The following RAB38 variants were observed in gnomAD, a reference collection of about 807,000 sequenced individuals.
RAB38 encodes ras-related protein Rab-38.
Under a neutral mutation model 18.4 loss-of-function variants are expected in RAB38, and 15 were observed. The ratio of observed to expected loss-of-function variants is 0.82; its 90% CI spans 0.55 to 1.26. The LOEUF is 1.26. Among genes scored for constraint, RAB38 ranks in the 50% most tolerant of loss-of-function variants. RAB38 has a pLI of 0.00. For synonymous variants in RAB38, 101 were observed against 104.4 expected, an observed-to-expected ratio of 0.97 and a Z score of 0.20; for missense variants, 294 against 267.4, an observed-to-expected ratio of 1.10 and a Z score of -0.69.
At chr11:88,068,757 T>A in the RAB38 span, among the ~76,000 whole-genome samples, 1 of 152,236 alleles carries the variant, frequency 6.6e-6, no homozygotes, top group African/African-American at 2.4e-5. Flanking sequence ...AATCAAAGTT[T>A]TTTCAACCAG....
chr11:88,059,438 C>T, the RAB38 span, among the ~76,000 whole-genome samples: 2 of 152,252 alleles, frequency 1.3e-5, no homozygotes, highest in East Asian at 1.9e-4. Context: ...AGGTTTTATG[C>T]CTCCCTCTTT....
intron 2 of RAB38, among the ~76,000 whole-genome samples, chr11:88,139,665 A>G (rs924854028): frequency 2.6e-5 from 4 of 152,226 alleles, no homozygotes; most frequent in African/African-American, 9.6e-5. Context: ...CCAGGGTGCA[A>G]GTAAAAATCA....
chr11:88,090,660 AC>A, the RAB38 span, among the ~76,000 whole-genome samples: 1 of 151,970 alleles, frequency 6.6e-6, no homozygotes, highest in Non-Finnish European at 1.5e-5. Context: ...GACTAAGATT[AC>A]CCTAGGGTGG....
the RAB38 span, among the ~76,000 whole-genome samples, chr11:88,094,086 G>A: frequency 4.6e-5 from 7 of 151,772 alleles, no homozygotes; most frequent in Non-Finnish European, 1.0e-4. Context: ...CATGTTGACA[G>A]CTCCACTCCC....
intron 2 of RAB38, among the ~76,000 whole-genome samples, chr11:88,148,653 C>T (rs1318853195): frequency 6.6e-6 from 1 of 152,168 alleles, no homozygotes; most frequent in Non-Finnish European, 1.5e-5. Context: ...CACAAATGCT[C>T]ACTATAAGGC....
the RAB38 span, among the ~76,000 whole-genome samples, chr11:87,935,629 G>A: frequency 1.3e-5 from 2 of 152,028 alleles, no homozygotes; most frequent in South Asian, 2.1e-4. Flanking sequence ...GTTTTCCCCA[G>A]TGGTAACCTC....
chr11:87,884,986 A>G, the RAB38 span, among the ~76,000 whole-genome samples: 130 of 152,094 alleles, frequency 8.5e-4, 1 homozygote, highest in African/African-American at 3.1e-3. Context: ...CATTAGATAC[A>G]TCTGAAAAAC....
the RAB38 span, among the ~76,000 whole-genome samples, chr11:87,894,864 T>C: frequency 6.6e-6 from 1 of 151,422 alleles, no homozygotes; most frequent in Non-Finnish European, 1.5e-5. Context: ...TGTATAGTAT[T>C]GTGGGGGAAC....
the RAB38 span, among the ~76,000 whole-genome samples, chr11:88,023,841 T>C: frequency 1.3e-5 from 2 of 152,078 alleles, no homozygotes; most frequent in African/African-American, 4.8e-5. Flanking sequence ...TGGATATCCC[T>C]ATATAAAAGA....
the RAB38 span, among the ~76,000 whole-genome samples, chr11:88,033,646 C>T: frequency 2.0e-5 from 3 of 151,016 alleles, no homozygotes; most frequent in Non-Finnish European, 4.4e-5. Context: ...TTAGTTCTTG[C>T]AATTTTATTA....
the RAB38 span, among the ~76,000 whole-genome samples, chr11:87,840,234 G>A: frequency 6.6e-6 from 1 of 152,166 alleles, no homozygotes; most frequent in African/African-American, 2.4e-5. Context: ...CTGCCAGATG[G>A]CTTACTGAAG....
the RAB38 span, among the ~76,000 whole-genome samples, chr11:87,820,613 A>C: frequency 4.6e-5 from 7 of 152,330 alleles, no homozygotes; most frequent in South Asian, 8.3e-4. Flanking sequence ...AATGATTTTC[A>C]TGCATGAAAC....
chr11:87,884,363 A>G, the RAB38 span, among the ~76,000 whole-genome samples: 1 of 151,966 alleles, frequency 6.6e-6, no homozygotes, highest in Non-Finnish European at 1.5e-5. Flanking sequence ...AAGTGGGGCA[A>G]ATTAACAAAG....
the RAB38 span, among the ~76,000 whole-genome samples, chr11:87,867,387 A>T: frequency 6.6e-6 from 1 of 151,806 alleles, no homozygotes; most frequent in African/African-American, 2.4e-5. Flanking sequence ...GCCATAAAGA[A>T]GGAAAGAATC....
intron 2 of RAB38, among the ~76,000 whole-genome samples, chr11:88,120,796 C>G (rs1227313335): frequency 2.0e-5 from 3 of 152,124 alleles, no homozygotes; most frequent in Non-Finnish European, 4.4e-5. Context: ...CCTCCTAGGT[C>G]TCCCCGCTTA....
the RAB38 span, among the ~76,000 whole-genome samples, chr11:87,809,890 A>G: frequency 1.3e-5 from 2 of 152,148 alleles, no homozygotes; most frequent in South Asian, 4.1e-4. Flanking sequence ...AAAGATTGAC[A>G]TTAGATTTAT....
the RAB38 span, among the ~76,000 whole-genome samples, chr11:87,911,961 T>C: frequency 6.6e-6 from 1 of 151,970 alleles, no homozygotes; most frequent in Non-Finnish European, 1.5e-5. Context: ...TTATATTTAT[T>C]GAGATGATCT....
At chr11:88,157,435 A>G (rs1019968022) in intron 1 of RAB38, among the ~76,000 whole-genome samples, 1 of 152,228 alleles carries the variant, frequency 6.6e-6, no homozygotes, top group Admixed American at 6.5e-5. Context: ...CAGACAAATG[A>G]GCAAGGCAGA....
the RAB38 span, among the ~76,000 whole-genome samples, chr11:87,873,892 GTATA>G: frequency 1.7e-5 from 1 of 59,198 alleles, no homozygotes; most frequent in Non-Finnish European, 3.3e-5. Context: ...ATATGTGTGT[GTATA>G]TATATATATA....
Sources: gnomAD v4.1 joint callset for allele counts (sites outside exome capture counted in the v4.1 genomes callset) on GRCh38, gnomAD v4.1.1 for gene constraint, MANE v1.5 for transcripts, NCBI Gene and HGNC (gene_info 2026-07-23, HGNC 2026-07-21) for gene names.